MIPOL1: variants seen among roughly 807,000 people sequenced by gnomAD.
MIPOL1 encodes the protein mirror-image polydactyly gene 1 protein.
A neutral mutation model predicts 60.9 loss-of-function variants in MIPOL1; 57 were observed. The ratio of observed to expected loss-of-function variants is 0.94; its 90% confidence interval spans 0.76 to 1.17. MIPOL1 has a LOEUF of 1.17. Ranked by LOEUF, MIPOL1 falls within the 50% of genes most tolerant of loss-of-function variation. The probability of loss-of-function intolerance (pLI) is 0.00; values close to 1 mark genes in which losing one functional copy is unlikely to be tolerated. For synonymous variants in MIPOL1, 179 were observed against 168.8 expected (o/e 1.06, Z -0.47); for missense variants, 551 against 511.6 (o/e 1.08, Z -0.74).
chr14:37,404,465 C>G (rs945969317), intron 10 of MIPOL1, among the ~76,000 whole-genome samples: 1 of 152,130 alleles, frequency 6.6e-6, no homozygotes, highest in African/African-American at 2.4e-5. Context: ...AAGTGCTTAG[C>G]TATTATTGTT....
chr14:37,499,358 G>C (rs2095181085), intron 11 of MIPOL1, among the ~76,000 whole-genome samples: 1 of 152,048 alleles, frequency 6.6e-6, no homozygotes, highest in Non-Finnish European at 1.5e-5. Context: ...ATGTATATAT[G>C]AATACATTTT....
intron 10 of MIPOL1, among the ~76,000 whole-genome samples, chr14:37,381,402 G>A (rs1448406960): frequency 3.9e-5 from 6 of 152,016 alleles, no homozygotes; most frequent in Admixed American, 6.6e-5. Context: ...GTGTAGAAGA[G>A]CAGGTGTCTC....
intron 11 of MIPOL1, among the ~76,000 whole-genome samples, chr14:37,440,087 T>G (rs1431130183): frequency 2.6e-5 from 4 of 152,198 alleles, no homozygotes; most frequent in African/African-American, 9.6e-5. Context: ...GCTCAAGTGC[T>G]TCTCCCAGCT....
intron 7 of MIPOL1, among the ~76,000 whole-genome samples, chr14:37,299,218 G>A (rs932609747): frequency 6.0e-5 from 9 of 149,450 alleles, no homozygotes; most frequent in East Asian, 2.0e-4. Flanking sequence ...AACACCTCAT[G>A]TTCTCACTCA....
intron 1 of MIPOL1, among the ~76,000 whole-genome samples, chr14:37,200,492 C>G (rs1432589271): frequency 6.6e-6 from 1 of 152,030 alleles, no homozygotes; most frequent in African/African-American, 2.4e-5. Context: ...TTTATGGAAA[C>G]AGAAAATATT....
intron 1 of MIPOL1, among the ~76,000 whole-genome samples, chr14:37,229,608 A>T (rs1970306255): frequency 6.6e-6 from 1 of 152,222 alleles, no homozygotes; most frequent in African/African-American, 2.4e-5. Flanking sequence ...TAAATTCCAT[A>T]TTGAGTTTAT....
intron 10 of MIPOL1, chr14:37,400,624 C>T (rs775125561): frequency 3.3e-5 from 5 of 151,976 alleles, no homozygotes; most frequent in Non-Finnish European, 7.4e-5. Context: ...AATTTTTAAA[C>T]GTTTGAATGA....
chr14:37,401,337 A>G (rs542281960), intron 10 of MIPOL1: 57 of 152,264 alleles, frequency 3.7e-4, no homozygotes, highest in African/African-American at 1.3e-3. Flanking sequence ...GAGTAGAATA[A>G]GTAAATTACA....
chr14:37,229,537 A>C (rs1279771387), intron 1 of MIPOL1, among the ~76,000 whole-genome samples: 1 of 152,212 alleles, frequency 6.6e-6, no homozygotes, highest in African/African-American at 2.4e-5. Context: ...AATTAACATT[A>C]CAGAGTAGCA....
chr14:37,306,856 G>GTAGT (rs1285715417), intron 7 of MIPOL1, among the ~76,000 whole-genome samples: 1 of 151,784 alleles, frequency 6.6e-6, no homozygotes, highest in East Asian at 1.9e-4. Context: ...AGAGATGAAA[G>GTAGT]TAGTTACCCT....
At chr14:37,435,138 A>C (rs2094143853) in intron 11 of MIPOL1, among the ~76,000 whole-genome samples, 1 of 152,166 alleles carries the variant, frequency 6.6e-6, no homozygotes, top group Non-Finnish European at 1.5e-5. Context: ...ATTACTTATA[A>C]AATGGATGTT....
chr14:37,515,986 C>T (rs758196437), intron 12 of MIPOL1, among the ~76,000 whole-genome samples: 8 of 152,056 alleles, frequency 5.3e-5, no homozygotes, highest in Non-Finnish European at 1.0e-4. Context: ...TAAGAGAGTC[C>T]GGCTTCATTG....
chr14:37,387,447 A>G (rs1186234001), intron 10 of MIPOL1, among the ~76,000 whole-genome samples: 1 of 151,900 alleles, frequency 6.6e-6, no homozygotes, highest in African/African-American at 2.4e-5. Flanking sequence ...CTAGGAAGGA[A>G]GTAAAGGGGA....
intron 7 of MIPOL1, among the ~76,000 whole-genome samples, chr14:37,292,728 G>C (rs928734491): frequency 9.2e-5 from 14 of 152,110 alleles, no homozygotes; most frequent in African/African-American, 3.4e-4. Flanking sequence ...TGATGTGCCT[G>C]CCTCGGCCTC....
chr14:37,273,732 A>G (rs1380211832), intron 6 of MIPOL1, among the ~76,000 whole-genome samples: 1 of 151,360 alleles, frequency 6.6e-6, no homozygotes, highest in Non-Finnish European at 1.5e-5. Flanking sequence ...CAGCTTGGAT[A>G]CTTGATATTG....
chr14:37,199,161 G>C (rs1185089785), intron 1 of MIPOL1, among the ~76,000 whole-genome samples: 1 of 152,110 alleles, frequency 6.6e-6, no homozygotes, highest in Non-Finnish European at 1.5e-5. Flanking sequence ...TGCATGAATC[G>C]TAAGTGTACA....
intron 12 of MIPOL1, among the ~76,000 whole-genome samples, chr14:37,510,086 G>A (rs1204267142): frequency 1.3e-5 from 2 of 151,490 alleles, no homozygotes; most frequent in Non-Finnish European, 2.9e-5. Flanking sequence ...ATATGTATGT[G>A]TAAATACATA....
At chr14:37,409,077 T>A (rs1172333800) in intron 10 of MIPOL1, among the ~76,000 whole-genome samples, 2 of 152,130 alleles carry the variant, frequency 1.3e-5, no homozygotes, top group Non-Finnish European at 2.9e-5. Flanking sequence ...CCTGCATTAT[T>A]TCAGGCCTCT....
intron 1 of MIPOL1, among the ~76,000 whole-genome samples, chr14:37,237,468 A>G (rs1012307508): frequency 6.6e-6 from 1 of 151,482 alleles, no homozygotes; most frequent in African/African-American, 2.4e-5. Flanking sequence ...ACCTTTGACT[A>G]TTTTCTATAG....
Sources: allele counts gnomAD v4.1 joint callset (sites outside exome capture counted in the v4.1 genomes callset), GRCh38; gene constraint gnomAD v4.1.1; transcripts MANE v1.5; gene names NCBI Gene and HGNC (gene_info 2026-07-23, HGNC 2026-07-21).